Variants in FGGY observed in about 807,000 individuals in gnomAD.
The protein encoded by FGGY is FGGY carbohydrate kinase domain containing.
In FGGY, 72 loss-of-function variants were observed where a neutral mutation model predicts 71.3. That is an observed-to-expected ratio of 1.01 (90% CI 0.84 to 1.23). The LOEUF is 1.23. FGGY is among the 50% of genes most tolerant of loss of function. FGGY has a pLI of 0.00. For synonymous variants in FGGY, 251 were observed against 250.3 expected (o/e 1.00, Z -0.02); for missense variants, 668 against 682.3 (o/e 0.98, Z 0.23).
At chr1:59,390,562 C>T (rs767666093) in intron 5 of FGGY, among the ~76,000 whole-genome samples, 5 of 152,124 alleles carry the variant, frequency 3.3e-5, no homozygotes, top group African/African-American at 4.8e-5. Context: ...AGAAGATCTA[C>T]GTCATACTTG....
chr1:59,344,330 A>G (rs2051337021), intron 3 of FGGY, among the ~76,000 whole-genome samples: 1 of 151,474 alleles, frequency 6.6e-6, no homozygotes, highest in African/African-American at 2.4e-5. Context: ...TTTAATTTTA[A>G]ACATTCTTTT....
intron 15 of FGGY, among the ~76,000 whole-genome samples, chr1:59,762,235 G>A (rs757194895): frequency 3.3e-5 from 5 of 152,012 alleles, no homozygotes; most frequent in South Asian, 2.1e-4. Flanking sequence ...GATTACAGGC[G>A]TCCACCACCA....
intron 14 of FGGY, among the ~76,000 whole-genome samples, chr1:59,733,003 C>T (rs1367576577): frequency 6.6e-6 from 1 of 152,060 alleles, no homozygotes; most frequent in African/African-American, 2.4e-5. Flanking sequence ...AGGACTTTCT[C>T]TCCTGGAGCC....
chr1:59,474,671 A>G lies in FGGY; in HGVS notation c.670+17595A>G, dbSNP rs117082445. 3.3e-3 allele frequency among the ~76,000 whole-genome samples: 501 copies of G among 152,372 alleles called. 26 individuals are homozygous for G. In the East Asian group the frequency reaches 0.084, roughly 26 times the overall value. On this transcript the variant is annotated intron_variant, in intron 6 of 15. Coordinates refer to ENST00000303721, the MANE Select transcript of FGGY (RefSeq NM_018291.5). ...GTCCAATCTTCAGTCATGCAAATGT[A>G]GGAACTGGACTTTGCCCAAGTCAGA... is the stretch of plus-strand genomic sequence containing the variant.
intron 8 of FGGY, among the ~76,000 whole-genome samples, chr1:59,579,242 C>T (rs2096141751): frequency 6.6e-6 from 1 of 152,078 alleles, no homozygotes. Context: ...TCTCCATCAC[C>T]AGTTTCTAAA....
chr1:59,482,813 T>G (rs1227525304), intron 6 of FGGY, among the ~76,000 whole-genome samples: 1 of 152,076 alleles, frequency 6.6e-6, no homozygotes, highest in Non-Finnish European at 1.5e-5. Flanking sequence ...CTTTTAAAAT[T>G]ATCTAGTTAT....
chr1:59,687,401 CG>C (rs1558800228), intron 14 of FGGY, among the ~76,000 whole-genome samples: 1 of 152,116 alleles, frequency 6.6e-6, no homozygotes, highest in Non-Finnish European at 1.5e-5. Flanking sequence ...TGTCTGCTGT[CG>C]GTAACCTCTG....
intron 6 of FGGY, among the ~76,000 whole-genome samples, chr1:59,494,687 A>G (rs1397312168): frequency 6.6e-6 from 1 of 152,180 alleles, no homozygotes; most frequent in Non-Finnish European, 1.5e-5. Context: ...TGCAATATGT[A>G]ATACTGTTGC....
rs529889210 is a variant in FGGY at position 59,673,315 on chromosome 1, C to T, written c.1418-724C>T. ...TTGCGGAAACACTTGAAGGATGGGC[C>T]GGCAATTAGCATGTGGGCATCTAGG... On this transcript the variant is annotated intron_variant, in intron 13 of 15. Transcript: ENST00000303721. Among the ~76,000 whole-genome samples, 4 of 152,160 alleles carry T rather than the reference C, an allele frequency of 2.6e-5. No homozygotes were observed. The South Asian group carries it at 8.3e-4, about 32-fold the overall frequency.
At chr1:59,725,694 C>T (rs75294979) in intron 14 of FGGY, among the ~76,000 whole-genome samples, 4 of 151,170 alleles carry the variant, frequency 2.6e-5, no homozygotes, top group Non-Finnish European at 5.9e-5. Context: ...CCATTTTTTC[C>T]TCAATGGTAA....
intron 5 of FGGY, among the ~76,000 whole-genome samples, chr1:59,386,259 G>A (rs1211867272): frequency 6.6e-6 from 1 of 152,064 alleles, no homozygotes; most frequent in African/African-American, 2.4e-5. Flanking sequence ...CTTCTTGGCT[G>A]TGATAGTTTC....
At position 59,325,795 on chromosome 1, in the gene FGGY, T is replaced by C. The variant is rs544527739; in HGVS notation, c.201+4045T>C. 2.0e-5 allele frequency among the ~76,000 whole-genome samples: 3 copies of C among 152,332 alleles called. No individual in the cohort carries two copies. The South Asian group carries it at 6.2e-4, about 32-fold the overall frequency. ...ACAACTATTCTTCCTATTTGAAATA[T>C]GAGGAAATTGAGGCTCTGGAACTAA... On this transcript the variant is annotated intron_variant, in intron 2 of 15. Coordinates refer to ENST00000303721, the MANE Select transcript of FGGY (RefSeq NM_018291.5).
At chr1:59,463,831 T>C (rs2092430424) in intron 6 of FGGY, among the ~76,000 whole-genome samples, 1 of 152,196 alleles carries the variant, frequency 6.6e-6, no homozygotes, top group Admixed American at 6.5e-5. Flanking sequence ...TAAATACATA[T>C]GTGCCCAATA....
At chr1:59,453,364 A>G (rs1166231118) in intron 5 of FGGY, among the ~76,000 whole-genome samples, 1 of 152,172 alleles carries the variant, frequency 6.6e-6, no homozygotes. Context: ...TGGGGAAAAA[A>G]TCTGCTTGGA....
At chr1:59,733,177 A>C (rs948130925) in intron 14 of FGGY, 2 of 154,188 alleles carry the variant, frequency 1.3e-5, no homozygotes, top group African/African-American at 4.8e-5. Context: ...CCCCCAAATA[A>C]AAGTTTCTGT....
chr1:59,416,499 A>G (rs1461348961), intron 5 of FGGY, among the ~76,000 whole-genome samples: 2 of 152,254 alleles, frequency 1.3e-5, no homozygotes, highest in Non-Finnish European at 2.9e-5. Context: ...ATACTATATT[A>G]AATCATTTCA....
At chr1:59,443,701 A>C (rs1247243455) in intron 5 of FGGY, among the ~76,000 whole-genome samples, 3 of 152,250 alleles carry the variant, frequency 2.0e-5, no homozygotes, top group Non-Finnish European at 4.4e-5. Context: ...TGACACTGGA[A>C]GAGGTATTTT....
rs574621716 is a variant in FGGY at position 59,653,631 on chromosome 1, C to T, written c.1222-6588C>T. 8.5e-5 allele frequency among the ~76,000 whole-genome samples: 13 copies of T among 152,354 alleles called. No individual in the cohort carries two copies. In the South Asian group the frequency reaches 2.3e-3, roughly 27 times the overall value. ...TCGGCTTGCGCATGGTGCTTGCACCCACTGGCCTGCGCCCACTGTCTGGGA... is the reference window on the plus strand; with the variant it reads ...TCGGCTTGCGCATGGTGCTTGCACCTACTGGCCTGCGCCCACTGTCTGGGA... On this transcript the variant is annotated intron_variant, in intron 11 of 15. Transcript: ENST00000303721.
chr1:59,695,481 G>A (rs1428349043), intron 14 of FGGY, among the ~76,000 whole-genome samples: 6 of 152,192 alleles, frequency 3.9e-5, no homozygotes, highest in African/African-American at 1.4e-4. Context: ...TGCAATGAGA[G>A]TGGTAAAAGT....
Sources: allele counts gnomAD v4.1 joint callset (sites outside exome capture counted in the v4.1 genomes callset), GRCh38; gene constraint gnomAD v4.1.1; transcripts MANE v1.5; gene names NCBI Gene and HGNC (gene_info 2026-07-23, HGNC 2026-07-21).